CKAP5: variants seen among roughly 807,000 people sequenced by gnomAD.
CKAP5 encodes the protein cytoskeleton-associated protein 5.
In CKAP5, 27 loss-of-function variants were observed where a neutral mutation model predicts 232.8. The ratio of observed to expected loss-of-function variants is 0.12; its 90% CI spans 0.09 to 0.16. CKAP5 has a LOEUF of 0.16. CKAP5 is among the 10% of genes least tolerant of loss of function. The pLI is 1.00. For synonymous variants in CKAP5, 785 were observed against 841.1 expected, an observed-to-expected ratio of 0.93 and a Z score of 1.16; for missense variants, 1,838 against 2,424.7, an observed-to-expected ratio of 0.76 and a Z score of 5.08.
intron 4 of CKAP5, among the ~76,000 whole-genome samples, chr11:46,812,405 C>T (rs964123787): frequency 6.6e-6 from 1 of 152,094 alleles, no homozygotes; most frequent in African/African-American, 2.4e-5. Flanking sequence ...TTTTCAAGTT[C>T]CCAACTGGCC....
intron 32 of CKAP5, 57 bp from the exon 33 acceptor site, chr11:46,760,841 A>G (rs2065148485): frequency 4.1e-6 from 6 of 1,451,436 alleles, no homozygotes; most frequent in Non-Finnish European, 3.8e-6. Context: ...ATCTATTTTC[A>G]TATCAAAACA....
rs1271613054 is a variant in CKAP5 at position 46,811,001 on chromosome 11, T to C, written c.630+6A>G. The C allele has an allele frequency of 6.4e-7, 1 of 1,574,134 alleles. No homozygotes were observed. Among genetic ancestry groups the C allele is most frequent in the South Asian group, 1.2e-5 (1 of 83,024 alleles). On this transcript the variant is annotated splice_donor_region_variant and intron_variant, in intron 5 of 43. Coordinates refer to ENST00000529230, the MANE Select transcript of CKAP5 (RefSeq NM_001008938.4). Reference sequence around the variant, plus strand: ...GCGAAAGCAACCAGAAAACTTTTTGTCTCACCTGAACAGAGTTTATATTTT... The same window carrying C: ...GCGAAAGCAACCAGAAAACTTTTTGCCTCACCTGAACAGAGTTTATATTTT...
Position 46,751,232 on chromosome 11 carries a change from G to A in CKAP5, c.5346C>T (p.Ile1782=), listed in dbSNP as rs369323220. The A allele has an allele frequency of 1.9e-6, 3 of 1,614,076 alleles. No individual in the cohort carries two copies. The highest frequency in any genetic ancestry group is 1.7e-6 in the Non-Finnish European group (2 of 1,180,030). ...GPKILDHLTM[I]DNKNESELEA... Reference sequence around the variant, plus strand: ...CCAGCTCAGACTCGTTTTTGTTGTCGATCATCGTTAGGTGGTCCAGGATCT... The same window carrying A: ...CCAGCTCAGACTCGTTTTTGTTGTCAATCATCGTTAGGTGGTCCAGGATCT... The change falls in exon 40 of 44, where the codon ATC becomes ATT. Residue 1782 remains isoleucine, a synonymous_variant. Transcript: ENST00000529230.
intron 8 of CKAP5, among the ~76,000 whole-genome samples, chr11:46,805,563 T>G (rs1939134466): frequency 6.6e-6 from 1 of 152,180 alleles, no homozygotes; most frequent in Non-Finnish European, 1.5e-5. Context: ...ATTTCACCAT[T>G]TCCCCACTTT....
In CKAP5 at chr11:46,764,787, G is replaced by A. The variant is rs536829731; in HGVS notation, c.3537+344C>T. On this transcript the variant is annotated intron_variant, in intron 28 of 43. Coordinates refer to ENST00000529230, the MANE Select transcript of CKAP5 (RefSeq NM_001008938.4). ...TGAAATCAAAGTAACATAAATGACTGAACTAGCCATTTATACAGTCACAAA... is the reference window on the plus strand; with the variant it reads ...TGAAATCAAAGTAACATAAATGACTAAACTAGCCATTTATACAGTCACAAA... 1.7e-4 allele frequency among the ~76,000 whole-genome samples: 25 copies of A among 151,374 alleles called. No homozygotes were observed. In the South Asian group the frequency reaches 5.2e-3, roughly 32 times the overall value.
chr11:46,820,903 C>G lies in CKAP5; in HGVS notation c.57+272G>C, dbSNP rs113789811. ...CCAGAAGTATATTGTACTGTATATACAAGGAGATGAAAAAACTAGCCAGTT... is the reference window on the plus strand; with the variant it reads ...CCAGAAGTATATTGTACTGTATATAGAAGGAGATGAAAAAACTAGCCAGTT... On this transcript the variant is annotated intron_variant, in intron 2 of 43. Coordinates refer to ENST00000529230, the MANE Select transcript of CKAP5 (RefSeq NM_001008938.4). The G allele has an allele frequency of 1.3e-3, 495 of 382,632 alleles. 3 individuals carry two copies. Among genetic ancestry groups the G allele is most frequent in the African/African-American group, 9.5e-3 (448 of 47,176 alleles). 23.7% of individuals were successfully genotyped at this position (382,632 alleles called of 1,614,324 possible).
intron 34 of CKAP5, 90 bp downstream of exon 34, chr11:46,759,179 G>T: frequency 6.6e-7 from 1 of 1,512,848 alleles, no homozygotes; most frequent in Non-Finnish European, 9.0e-7. Context: ...GTTCTAAAAA[G>T]TTTTAACTGC....
chr11:46,746,312 T>C (rs2065021389), intron 42 of CKAP5, among the ~76,000 whole-genome samples: 1 of 152,238 alleles, frequency 6.6e-6, no homozygotes, highest in South Asian at 2.1e-4. Flanking sequence ...CTCTAGATCC[T>C]GTGAGCAGTA....
chr11:46,779,653 T>C (rs1230726207), intron 20 of CKAP5, among the ~76,000 whole-genome samples: 1 of 152,014 alleles, frequency 6.6e-6, no homozygotes, highest in Non-Finnish European at 1.5e-5. Context: ...AAGGTCTCTC[T>C]GTGTGGCCTA....
chr11:46,796,804 T>C lies in CKAP5; in HGVS notation c.1467+8A>G. 6.2e-7 allele frequency: 1 copy of C among 1,613,564 alleles called. No individual in the cohort carries two copies. The highest frequency in any genetic ancestry group is 1.1e-5 in the South Asian group (1 of 91,034). On this transcript the variant is annotated splice_region_variant and intron_variant, in intron 12 of 43. Coordinates refer to ENST00000529230, the MANE Select transcript of CKAP5 (RefSeq NM_001008938.4). ...GTCCAATTTCAGTCCAATCCATTAC[T>C]AACCTACCTTATCAAGCTTGAGTTT... is the stretch of plus-strand genomic sequence containing the variant.
chr11:46,812,410 C>T (rs1939296065), intron 4 of CKAP5, among the ~76,000 whole-genome samples: 2 of 152,146 alleles, frequency 1.3e-5, no homozygotes, highest in Admixed American at 1.3e-4. Flanking sequence ...AAGTTCCCAA[C>T]TGGCCAATTT....
Position 46,743,842 on chromosome 11 carries a change from G to A in CKAP5, c.*181C>T, listed in dbSNP as rs566770416. ...GGACAGTCTTCTAGAGCAGCAGGACGCTGACAGAGAGAAGCAGAGTATGTA... is the reference window on the plus strand; with the variant it reads ...GGACAGTCTTCTAGAGCAGCAGGACACTGACAGAGAGAAGCAGAGTATGTA... On this transcript the variant is annotated 3_prime_UTR_variant, in exon 44 of 44. Transcript: ENST00000529230. 10 of 713,020 alleles carry A rather than the reference G, an allele frequency of 1.4e-5. No homozygotes were observed. The highest frequency in any genetic ancestry group is 1.2e-4 in the African/African-American group (7 of 56,236). The allele number at this position is 713,020 out of a possible 1,614,324, so 44.2% of individuals were successfully genotyped here.
chr11:46,811,263 C>T, intron 4 of CKAP5, 85 bp from the exon 5 acceptor site: 1 of 1,045,418 alleles, frequency 9.6e-7, no homozygotes, highest in East Asian at 2.6e-5. Flanking sequence ...AACATAGTTC[C>T]ATATCTACAT....
rs746919241 is a variant in CKAP5, at chr11:46,760,682, C to G, written c.4324G>C (p.Ala1442Pro). 4 of 1,614,092 alleles carry G rather than the reference C, an allele frequency of 2.5e-6. No homozygotes were observed. The African/African-American group carries it at 5.3e-5, about 22-fold the overall frequency. ...IKQVEEKPQRAQNISSNANML... is the reference protein window; with the variant it reads ...IKQVEEKPQRPQNISSNANML... ...TTGGCATTGGAGCTTATGTTCTGTG[C>G]ACGCTGAGGTTTCTCTTCCACCTGT... Residue 1442 changes from alanine (A) to proline (P), a missense_variant, in exon 33 of 44, where the codon GCA becomes CCA. Transcript: ENST00000529230.
intron 11 of CKAP5, 101 bp from the exon 12 acceptor site, chr11:46,797,041 T>C: frequency 1.5e-6 from 2 of 1,295,182 alleles, no homozygotes; most frequent in South Asian, 1.3e-5. Context: ...ATTTGCTTTT[T>C]ACAATTTACT....
Position 46,790,110 on chromosome 11 carries a change from T to C in CKAP5, c.1841A>G (p.Lys614Arg). Residue 614 changes from lysine (K) to arginine (R), a missense_variant, in exon 15 of 44, where the codon AAA (lysine) becomes AGA (arginine). Physicochemically the swap from Lys to Arg is conservative, Grantham distance 26. Around this residue, in one of 6 missense-constraint regions of CKAP5, gnomAD observed 767 missense variants for 954.6 expected, o/e 0.80. Coordinates refer to ENST00000529230, the MANE Select transcript of CKAP5 (RefSeq NM_001008938.4). Reference sequence around the variant, plus strand: ...CTCTTCCATACAAGCCAGCCTTTCTTTCCAGTTACTGCTGTCAAGAAGCTG... The same window carrying C: ...CTCTTCCATACAAGCCAGCCTTTCTCTCCAGTTACTGCTGTCAAGAAGCTG... ...CIQLLDSSNW[K>R]ERLACMEEFQ... The C allele has an allele frequency of 6.2e-7, 1 of 1,612,118 alleles. No individual in the cohort carries two copies. The highest frequency in any genetic ancestry group is 1.3e-5 in the African/African-American group (1 of 75,050).
chr11:46,840,414 A>G (rs763999039), intron 1 of CKAP5, among the ~76,000 whole-genome samples: 34 of 152,216 alleles, frequency 2.2e-4, no homozygotes, highest in Non-Finnish European at 4.7e-4. Flanking sequence ...TATCTGTTCA[A>G]TGAATGAATA....
At position 46,744,918 on chromosome 11, in the gene CKAP5, G is replaced by A. The variant is rs376592511; in HGVS notation, c.5705-341C>T. ...CTAAGCATACTGTAATTGCCCAACT[G>A]AAAAACCCGAGGACCTTAAATGTTT... On this transcript the variant is annotated intron_variant, in intron 42 of 43. Coordinates refer to ENST00000529230, the MANE Select transcript of CKAP5 (RefSeq NM_001008938.4). Among the ~76,000 whole-genome samples the A allele has an allele frequency of 2.0e-5, 3 of 152,186 alleles. No individual in the cohort carries two copies. The East Asian group carries it at 5.8e-4, about 29-fold the overall frequency.
chr11:46,764,230 A>T (rs751635978), intron 28 of CKAP5, among the ~76,000 whole-genome samples: 1 of 152,216 alleles, frequency 6.6e-6, no homozygotes, highest in African/African-American at 2.4e-5. Context: ...ATAGAGAGAA[A>T]ATTTGAAATA....
Sources: gnomAD v4.1 joint callset for allele counts (sites outside exome capture counted in the v4.1 genomes callset) on GRCh38, gnomAD v4.1.1 for gene constraint, gnomAD v4.1.1 regional missense constraint, MANE v1.5 for transcripts, NCBI Gene and HGNC (gene_info 2026-07-23, HGNC 2026-07-21) for gene names.